The following PDE10A variants were observed in gnomAD, a reference collection of about 807,000 sequenced individuals.
PDE10A encodes the protein phosphodiesterase 10A, also known as cAMP and cAMP-inhibited cGMP 3',5'-cyclic phosphodiesterase 10A.
A neutral mutation model predicts 97.7 loss-of-function variants in PDE10A; 39 were observed. That is an observed-to-expected ratio of 0.40 (90% CI 0.31 to 0.52). The LOEUF (loss-of-function observed/expected upper bound fraction) is 0.52, where lower values mean the gene tolerates loss of function less well. Among genes scored for constraint, PDE10A ranks in the 20% least tolerant of loss-of-function variants. The probability of loss-of-function intolerance (pLI) is 0.56; values close to 1 mark genes in which losing one functional copy is unlikely to be tolerated. For missense variants in PDE10A, 731 were observed against 1,047.8 expected, an observed-to-expected ratio of 0.70 and a Z score of 4.17; for synonymous variants, 371 against 376.8, an observed-to-expected ratio of 0.98 and a Z score of 0.18.
chr6:165,354,925 CACA>C (rs1335553633), intron 18 of PDE10A, among the ~76,000 whole-genome samples: 1 of 151,922 alleles, frequency 6.6e-6, no homozygotes, highest in Admixed American at 6.6e-5. Context: ...AATTAGCCAT[CACA>C]ACAATGTAAA....
At chr6:165,762,747 A>C (rs932196498) in intron 1 of PDE10A, among the ~76,000 whole-genome samples, 2 of 152,096 alleles carry the variant, frequency 1.3e-5, no homozygotes, top group Admixed American at 6.5e-5. Flanking sequence ...CTAACAAACA[A>C]TTGTTCACTT....
At chr6:165,728,336 C>G (rs898848284) in intron 1 of PDE10A, among the ~76,000 whole-genome samples, 1 of 152,180 alleles carries the variant, frequency 6.6e-6, no homozygotes, top group Non-Finnish European at 1.5e-5. Context: ...AGTGAGGGCA[C>G]ACATTTCAAT....
At chr6:165,410,816 C>T (rs140134454) in intron 13 of PDE10A, among the ~76,000 whole-genome samples, 2,284 of 151,234 alleles carry the variant, frequency 0.015, 64 homozygotes, top group African/African-American at 0.05. Flanking sequence ...TGGCCGGGCG[C>T]GGTGGCTCAC....
chr6:165,487,470 C>A (rs1779987538), intron 2 of PDE10A, among the ~76,000 whole-genome samples: 1 of 152,098 alleles, frequency 6.6e-6, no homozygotes, highest in African/African-American at 2.4e-5. Context: ...AATAATAATA[C>A]AAATAACACA....
upstream of PDE10A, among the ~76,000 whole-genome samples, chr6:165,665,773 A>G (rs572957212): frequency 1.3e-5 from 2 of 152,298 alleles, no homozygotes; most frequent in East Asian, 3.9e-4. Context: ...ATTTTAAAAG[A>G]ATATAAAACA....
At chr6:165,953,653 G>A (rs937538147) in intron 1 of PDE10A, among the ~76,000 whole-genome samples, 1 of 152,154 alleles carries the variant, frequency 6.6e-6, no homozygotes, top group African/African-American at 2.4e-5. Context: ...AAACTGAGCA[G>A]ACAGTAGAGA....
chr6:165,399,432 T>C (rs1786452744), intron 13 of PDE10A, among the ~76,000 whole-genome samples: 1 of 152,198 alleles, frequency 6.6e-6, no homozygotes, highest in Non-Finnish European at 1.5e-5. Flanking sequence ...ATACTTATTA[T>C]AAAGGTTTTT....
intron 2 of PDE10A, among the ~76,000 whole-genome samples, chr6:165,491,737 T>G (rs983622625): frequency 6.6e-6 from 1 of 152,040 alleles, no homozygotes; most frequent in African/African-American, 2.4e-5. Flanking sequence ...TCCACAGCAT[T>G]AAGTGCCTAC....
At chr6:165,451,659 C>T (rs1791299667) in intron 3 of PDE10A, among the ~76,000 whole-genome samples, 1 of 152,140 alleles carries the variant, frequency 6.6e-6, no homozygotes, top group African/African-American at 2.4e-5. Context: ...TTTTCTTGAG[C>T]ACTATACTCA....
At chr6:165,459,518 TAGATAGACAGACAGACAGACAGACAGAC>T (rs1477990082) in intron 3 of PDE10A, among the ~76,000 whole-genome samples, 14 of 80,908 alleles carry the variant, frequency 1.7e-4, no homozygotes, top group African/African-American at 7.3e-4. Flanking sequence ...GATAGATAGA[TAGATAGACAGACAGACAGACAGACAGAC>T]AGACAGACAG....
At chr6:165,606,754 A>G (rs562644796) in intron 1 of PDE10A, among the ~76,000 whole-genome samples, 19 of 152,270 alleles carry the variant, frequency 1.2e-4, no homozygotes, top group Non-Finnish European at 1.9e-4. Context: ...ATAAAACAGT[A>G]AATCAAGTAT....
At position 165,911,863 on chromosome 6, in the gene PDE10A, C is replaced by T. The variant is rs535260545; in HGVS notation, c.-615+75666G>A. On this transcript the variant is annotated intron_variant, in intron 1 of 19. Transcript: ENST00000366882. ...GGTCATTCATTTCCAAGGTGCTGTCCGGAGGAAGCTTTTGAGGGCCAGGAA... is the reference window on the plus strand; with the variant it reads ...GGTCATTCATTTCCAAGGTGCTGTCTGGAGGAAGCTTTTGAGGGCCAGGAA... Among the ~76,000 whole-genome samples, 15 of 152,196 alleles carry T rather than the reference C, an allele frequency of 9.9e-5. No homozygotes were observed. The East Asian group carries it at 1.7e-3, about 18-fold the overall frequency.
intron 6 of PDE10A, among the ~76,000 whole-genome samples, chr6:165,433,489 A>G (rs1307794238): frequency 1.3e-5 from 2 of 152,328 alleles, no homozygotes; most frequent in Non-Finnish European, 2.9e-5. Flanking sequence ...ACAATGCCGC[A>G]GGGAAAATTA....
intron 1 of PDE10A, among the ~76,000 whole-genome samples, chr6:165,877,883 A>G (rs1437990253): frequency 1.3e-5 from 2 of 152,244 alleles, no homozygotes; most frequent in Non-Finnish European, 2.9e-5. Context: ...CATTTTATGA[A>G]AAAGGGAAAC....
At chr6:165,975,894 C>T (rs1464702004) in intron 1 of PDE10A, among the ~76,000 whole-genome samples, 1 of 152,186 alleles carries the variant, frequency 6.6e-6, no homozygotes, top group East Asian at 1.9e-4. Context: ...GAGCTGTTCC[C>T]AGCACCTCTC....
intron 3 of PDE10A, among the ~76,000 whole-genome samples, chr6:165,456,502 T>C (rs1002195661): frequency 6.6e-6 from 1 of 152,216 alleles, no homozygotes; most frequent in Non-Finnish European, 1.5e-5. Flanking sequence ...TGTGCAGTGC[T>C]GAGATCAATA....
intron 1 of PDE10A, among the ~76,000 whole-genome samples, chr6:165,591,441 C>G (rs1341771289): frequency 1.3e-5 from 2 of 152,186 alleles, no homozygotes; most frequent in African/African-American, 4.8e-5. Context: ...TGCTGTTACT[C>G]TGCTCTACTA....
intron 5 of PDE10A, among the ~76,000 whole-genome samples, chr6:165,447,572 T>C (rs371247726): frequency 1.3e-5 from 2 of 152,308 alleles, no homozygotes; most frequent in African/African-American, 4.8e-5. Context: ...TGGCAAACTG[T>C]AGAATATTTT....
intron 5 of PDE10A, 46 bp downstream of exon 5, chr6:165,448,879 TATG>T (rs767301178): frequency 7.2e-6 from 8 of 1,115,126 alleles, no homozygotes; most frequent in East Asian, 2.4e-5. Context: ...TAAAGGAGCT[TATG>T]ATATTTTCTT....
Sources: gnomAD v4.1 joint callset for allele counts (sites outside exome capture counted in the v4.1 genomes callset) on GRCh38, gnomAD v4.1.1 for gene constraint, MANE v1.5 for transcripts, NCBI Gene and HGNC (gene_info 2026-07-23, HGNC 2026-07-21) for gene names.